Variants in USP7 observed in about 807,000 individuals in gnomAD.
USP7 encodes the protein ubiquitin C-terminal hydrolase 7.
In USP7, 9 loss-of-function variants were observed where a neutral mutation model predicts 162.9. That is an observed-to-expected ratio of 0.06 (90% confidence interval 0.03 to 0.10). USP7 has a LOEUF of 0.10. Among genes scored for constraint, USP7 ranks in the 10% least tolerant of loss-of-function variants. USP7 has a pLI of 1.00. For missense variants in USP7, 715 were observed against 1,373.7 expected, an observed-to-expected ratio of 0.52 and a Z score of 7.58; for synonymous variants, 562 against 475.9, an observed-to-expected ratio of 1.18 and a Z score of -2.35.
intron 22 of USP7, 138 bp from the exon 23 acceptor site, chr16:8,899,326 A>G (rs1322687609): frequency 9.4e-6 from 8 of 851,868 alleles, no homozygotes; most frequent in East Asian, 2.6e-5. Flanking sequence ...GGAATAAACT[A>G]TATTATTCCT....
intron 1 of USP7, chr16:8,936,589 G>GC: frequency 6.5e-7 from 1 of 1,548,894 alleles, no homozygotes; most frequent in Non-Finnish European, 8.7e-7. Context: ...TCACCTTCCA[G>GC]CCCAAGCCTG....
rs546139708 is a variant in USP7, at chr16:8,959,387, T to C, written c.79+3820A>G. On this transcript the variant is annotated intron_variant, in intron 1 of 30. Coordinates refer to ENST00000344836, the MANE Select transcript of USP7 (RefSeq NM_003470.3). ...AAAAAAAAAGGATACCTTCTTCCTA[T>C]ATTTACTAGTATCGATCATTTCATT... Among the ~76,000 whole-genome samples the C allele has an allele frequency of 3.3e-5, 5 of 151,912 alleles. No homozygotes were observed. In the East Asian group the frequency reaches 7.7e-4, roughly 24 times the overall value.
At chr16:8,923,835 G>C (rs1897843244) in intron 2 of USP7, among the ~76,000 whole-genome samples, 1 of 152,170 alleles carries the variant, frequency 6.6e-6, no homozygotes, top group South Asian at 2.1e-4. Context: ...ACTTTACAGA[G>C]CACGGAACAC....
intron 4 of USP7, among the ~76,000 whole-genome samples, 200 bp downstream of exon 4, chr16:8,920,956 TA>T (rs1462038463): frequency 2.0e-5 from 3 of 152,174 alleles, no homozygotes; most frequent in African/African-American, 7.2e-5. Context: ...AATGTCTGAC[TA>T]AAAAGTGAGA....
chr16:8,947,872 C>A (rs999981241), intron 1 of USP7, among the ~76,000 whole-genome samples: 1 of 152,184 alleles, frequency 6.6e-6, no homozygotes, highest in South Asian at 2.1e-4. Flanking sequence ...ACTTTTGAGA[C>A]CCTCAGTGTG....
intron 1 of USP7, among the ~76,000 whole-genome samples, chr16:8,950,307 TAAA>T (rs951610516): frequency 6.6e-6 from 1 of 150,752 alleles, no homozygotes; most frequent in Non-Finnish European, 1.5e-5. Flanking sequence ...TTTTCTGCTC[TAAA>T]AAAAAAGATG....
chr16:8,926,188 A>G (rs1897979139), intron 2 of USP7, among the ~76,000 whole-genome samples: 1 of 149,790 alleles, frequency 6.7e-6, no homozygotes, highest in African/African-American at 2.5e-5. Flanking sequence ...ACTAAAAAAC[A>G]AAAGGTCGGC....
At chr16:8,952,983 C>T (rs1490463464) in intron 1 of USP7, among the ~76,000 whole-genome samples, 4 of 152,092 alleles carry the variant, frequency 2.6e-5, no homozygotes, top group African/African-American at 2.4e-5. Flanking sequence ...ATTACAGTCG[C>T]GTGTCACCAT....
intron 6 of USP7, 27 bp downstream of exon 6, chr16:8,919,004 T>C: frequency 6.2e-7 from 1 of 1,608,240 alleles, no homozygotes. Context: ...AGCGGAAGGC[T>C]GCAGGAGAGG....
chr16:8,951,880 T>G (rs1899570485), intron 1 of USP7, among the ~76,000 whole-genome samples: 1 of 152,210 alleles, frequency 6.6e-6, no homozygotes, highest in Non-Finnish European at 1.5e-5. Context: ...TTCATCTCTT[T>G]TTATGCCACC....
intron 2 of USP7, among the ~76,000 whole-genome samples, chr16:8,924,990 C>T (rs1174530910): frequency 1.3e-5 from 2 of 152,154 alleles, no homozygotes; most frequent in Non-Finnish European, 2.9e-5. Flanking sequence ...GGATAGAAGT[C>T]TACTAAAAGG....
intron 22 of USP7, 125 bp downstream of exon 22, chr16:8,899,479 G>A: frequency 8.1e-7 from 1 of 1,239,800 alleles, no homozygotes; most frequent in South Asian, 1.5e-5. Context: ...ATCAGTGGGA[G>A]ATTTCCTCGG....
intron 25 of USP7, among the ~76,000 whole-genome samples, 196 bp downstream of exon 25, chr16:8,898,162 CAT>C (rs899842923): frequency 6.6e-6 from 1 of 152,154 alleles, no homozygotes; most frequent in African/African-American, 2.4e-5. Context: ...CTTAGCTCCA[CAT>C]GTCATGCACC....
chr16:8,960,682 C>T (rs778455957), intron 1 of USP7, among the ~76,000 whole-genome samples: 1 of 152,228 alleles, frequency 6.6e-6, no homozygotes, highest in Non-Finnish European at 1.5e-5. Context: ...CAGGACCCCA[C>T]TCACAGCCTG....
At chr16:8,944,803 G>T (rs1226269317) in intron 1 of USP7, among the ~76,000 whole-genome samples, 7 of 152,132 alleles carry the variant, frequency 4.6e-5, no homozygotes, top group Non-Finnish European at 8.8e-5. Flanking sequence ...AGCGTCAAAG[G>T]TATTTTGAAA....
chr16:8,910,357 T>G (rs892765245), intron 11 of USP7, among the ~76,000 whole-genome samples: 1 of 152,070 alleles, frequency 6.6e-6, no homozygotes, highest in African/African-American at 2.4e-5. Context: ...GAAAACTAAA[T>G]TCATTAAAAA....
intron 3 of USP7, among the ~76,000 whole-genome samples, chr16:8,921,894 T>C (rs1329857099): frequency 6.6e-6 from 1 of 152,170 alleles, no homozygotes; most frequent in Non-Finnish European, 1.5e-5. Context: ...AAGTTAAGGT[T>C]TGCGATTTAA....
intron 2 of USP7, chr16:8,929,279 C>A (rs971607628): frequency 5.9e-6 from 2 of 338,482 alleles, no homozygotes; most frequent in East Asian, 1.6e-4. Context: ...CAACAACCAG[C>A]GAGACCACAC....
At chr16:8,956,492 C>G (rs1899806334) in intron 1 of USP7, 2 of 152,306 alleles carry the variant, frequency 1.3e-5, no homozygotes, top group Non-Finnish European at 2.9e-5. Flanking sequence ...GGGCCAGGCG[C>G]AGTGGCCCAC....
Sources: gnomAD v4.1 joint callset for allele counts (sites outside exome capture counted in the v4.1 genomes callset) on GRCh38, gnomAD v4.1.1 for gene constraint, MANE v1.5 for transcripts, NCBI Gene and HGNC (gene_info 2026-07-23, HGNC 2026-07-21) for gene names.